CBLC: variants seen among roughly 807,000 people sequenced by gnomAD.
The protein encoded by CBLC is Cbl proto-oncogene C.
Under a neutral mutation model 58.6 loss-of-function variants are expected in CBLC, and 46 were observed. The observed-to-expected ratio is 0.79, with a 90% CI of 0.62 to 1.00. The LOEUF is 1.00. Among genes scored for constraint, CBLC ranks in the 50% least tolerant of loss-of-function variants. The pLI, the probability that CBLC is intolerant of heterozygous loss-of-function variation, is 0.00. For missense variants in CBLC, 655 were observed against 625.8 expected, an observed-to-expected ratio of 1.05 and a Z score of -0.50; for synonymous variants, 271 against 264.2, an observed-to-expected ratio of 1.03 and a Z score of -0.25.
chr19:44,782,125 G>A (rs575422138), intron 3 of CBLC, among the ~76,000 whole-genome samples: 1 of 146,066 alleles, frequency 6.8e-6, no homozygotes, highest in African/African-American at 2.6e-5. Flanking sequence ...GTGAGGGCCT[G>A]GACTCCAGGG....
In CBLC at chr19:44,789,968, A is replaced by G. The variant is rs1325680909; in HGVS notation, c.918-36A>G. The G allele has an allele frequency of 1.9e-5, 25 of 1,349,994 alleles. No homozygotes were observed. The East Asian group carries it at 5.7e-4, about 31-fold the overall frequency. 83.6% of individuals were successfully genotyped at this position (1,349,994 alleles called of 1,614,324 possible). A position where few individuals can be genotyped will look rare whatever the true frequency, so the allele number is the denominator to read the frequency against. ...TTCATCTGGGGGTGGGAAATACTGG[A>G]TGGCCCCCCAGTCCCCCTCTCTTCC... On this transcript the variant is annotated intron_variant, in intron 5 of 10. Coordinates refer to ENST00000647358, the MANE Select transcript of CBLC (RefSeq NM_012116.4).
Position 44,792,481 on chromosome 19 carries a change from C to A in CBLC, c.1104C>A (p.His368Gln). Reference sequence around the variant, plus strand: ...ATGTGAAGATTGAGCCGTGCGGGCACCTGCTCTGCAGCTGCTGCCTGGCTG... The same window carrying A: ...ATGTGAAGATTGAGCCGTGCGGGCAACTGCTCTGCAGCTGCTGCCTGGCTG... ...NKDVKIEPCG[H>Q]LLCSCCLAAW... Residue 368 changes from histidine to glutamine, a missense_variant, in exon 7 of 11, where the codon CAC becomes CAA. His to Gln is a conservative substitution (Grantham distance 24, BLOSUM62 0). Transcript: ENST00000647358. The A allele has an allele frequency of 3.1e-6, 5 of 1,609,834 alleles. No individual in the cohort carries two copies. The highest frequency in any genetic ancestry group is 4.2e-6 in the Non-Finnish European group (5 of 1,178,714).
chr19:44,783,316 G>T (rs1448735616), intron 4 of CBLC, among the ~76,000 whole-genome samples: 1 of 152,152 alleles, frequency 6.6e-6, no homozygotes, highest in East Asian at 1.9e-4. Context: ...AGACCAGCCT[G>T]GCCAACATAG....
At chr19:44,796,334 A>C (rs1968177507) in intron 9 of CBLC, among the ~76,000 whole-genome samples, 1 of 152,150 alleles carries the variant, frequency 6.6e-6, no homozygotes, top group Non-Finnish European at 1.5e-5. Context: ...TCAGCGTTGG[A>C]GTCTTTAAGG....
intron 5 of CBLC, among the ~76,000 whole-genome samples, chr19:44,787,919 C>T (rs1016153559): frequency 6.6e-6 from 1 of 151,512 alleles, no homozygotes; most frequent in African/African-American, 2.4e-5. Flanking sequence ...TTGAGACCAA[C>T]CTGGACAACA....
intron 9 of CBLC, among the ~76,000 whole-genome samples, chr19:44,798,763 C>T (rs1195999675): frequency 6.6e-6 from 1 of 152,034 alleles, no homozygotes; most frequent in African/African-American, 2.4e-5. Flanking sequence ...AGAAAGAAAT[C>T]CCCACTGGCT....
chr19:44,788,339 T>TC (rs1568560547), intron 5 of CBLC, among the ~76,000 whole-genome samples: 1 of 151,854 alleles, frequency 6.6e-6, no homozygotes, highest in African/African-American at 2.4e-5. Flanking sequence ...TTGCCCAGGC[T>TC]GGTCTCGAAC....
At chr19:44,796,950 A>C (rs1270254904) in intron 9 of CBLC, among the ~76,000 whole-genome samples, 2 of 152,068 alleles carry the variant, frequency 1.3e-5, no homozygotes, top group Non-Finnish European at 2.9e-5. Flanking sequence ...AGGGAAGCTA[A>C]AAACAGATCC....
In CBLC at chr19:44,793,462, G is replaced by A. The variant is rs370828809; in HGVS notation, c.1138-12G>A. On this transcript the variant is annotated splice_polypyrimidine_tract_variant and intron_variant, in intron 7 of 10. Transcript: ENST00000647358. ...GGGGAGCACTGACCCTTTCCCTCCCGACCTCCCCCAGCACTCGGACAGCCA... is the reference window on the plus strand; with the variant it reads ...GGGGAGCACTGACCCTTTCCCTCCCAACCTCCCCCAGCACTCGGACAGCCA... The A allele has an allele frequency of 7.3e-5, 117 of 1,597,196 alleles. No homozygotes were observed. Among genetic ancestry groups the A allele is most frequent in the Non-Finnish European group, 8.9e-5 (105 of 1,173,338 alleles).
intron 1 of CBLC, among the ~76,000 whole-genome samples, chr19:44,780,239 A>T (rs1780302574): frequency 6.6e-6 from 1 of 151,510 alleles, no homozygotes; most frequent in Non-Finnish European, 1.5e-5. Context: ...TGTTCAAGCA[A>T]TTCTCCTGCC....
At chr19:44,787,587 C>T (rs942933961) in intron 5 of CBLC, among the ~76,000 whole-genome samples, 2 of 150,814 alleles carry the variant, frequency 1.3e-5, no homozygotes, top group African/African-American at 4.9e-5. Context: ...GAGGCCGAGG[C>T]GGGCAGATCA....
chr19:44,800,522 A>G lies in CBLC; in HGVS notation c.*8-29A>G. ...CCCTCCTCCACCTGGAGGTGACCTCATCTAACCCACCCCTCTCTCCGCCTA... is the reference window on the plus strand; with the variant it reads ...CCCTCCTCCACCTGGAGGTGACCTCGTCTAACCCACCCCTCTCTCCGCCTA... On this transcript the variant is annotated intron_variant, in intron 10 of 10. Transcript: ENST00000647358. 10 of 926,844 alleles carry G rather than the reference A, an allele frequency of 1.1e-5. No individual in the cohort carries two copies. In the South Asian group the frequency reaches 1.4e-4, roughly 13 times the overall value. The allele number at this position is 926,844 out of a possible 1,614,324, so 57.4% of individuals were successfully genotyped here.
rs763685561 is a variant in CBLC, at chr19:44,797,574, C to CTTTTTTT, written c.1363-2798_1363-2792dup. 6.7e-3 allele frequency among the ~76,000 whole-genome samples: 898 copies of CTTTTTTT among 133,124 alleles called. 21 individuals are homozygous for CTTTTTTT. In the East Asian group the frequency reaches 0.079, roughly 12 times the overall value. 87.3% of individuals were successfully genotyped at this position (133,124 alleles called of 152,430 possible). A position where few individuals can be genotyped will look rare whatever the true frequency, so the allele number is the denominator to read the frequency against. The stretch of plus-strand genomic sequence containing the variant: ...AACTTTTGCTATGTGCCTGGCATTG[C>CTTTTTTT]TTTTTTTTTTTTTTTAAGATGGGGT... On this transcript the variant is annotated intron_variant, in intron 9 of 10. Transcript: ENST00000647358.
chr19:44,792,156 G>A (rs1005656629), intron 6 of CBLC, among the ~76,000 whole-genome samples: 2 of 151,720 alleles, frequency 1.3e-5, no homozygotes, highest in African/African-American at 4.8e-5. Flanking sequence ...ACCATGCCCA[G>A]CTAATTTTTG....
chr19:44,797,523 C>G (rs1968202109), intron 9 of CBLC, among the ~76,000 whole-genome samples: 1 of 151,410 alleles, frequency 6.6e-6, no homozygotes, highest in Admixed American at 6.6e-5. Context: ...AGTGCTGGGA[C>G]TACAGGAGTG....
intron 5 of CBLC, among the ~76,000 whole-genome samples, chr19:44,789,619 G>A (rs1016831046): frequency 1.3e-5 from 2 of 152,130 alleles, no homozygotes; most frequent in Non-Finnish European, 2.9e-5. Flanking sequence ...TTGAACTCCT[G>A]ACCTCAGATG....
At chr19:44,778,952 A>G (rs1198105930) in intron 1 of CBLC, among the ~76,000 whole-genome samples, 2 of 151,992 alleles carry the variant, frequency 1.3e-5, no homozygotes, top group African/African-American at 4.8e-5. Flanking sequence ...AACCTGGAAA[A>G]TGGGCCACCC....
Position 44,793,527 on chromosome 19 carries a change from G to T in CBLC, c.1191G>T (p.Glu397Asp). ...GCCGCTGCGAGATCAAGGGCTGGGA[G>T]GCCGTGAGTATCTACCAGTTCCACG... is the stretch of plus-strand genomic sequence containing the variant. ...PFCRCEIKGW[E>D]AVSIYQFHGQ... Residue 397 changes from glutamate to aspartate, a missense_variant, in exon 8 of 11, where the codon GAG becomes GAT. This residue lies in a region of CBLC where 371 missense variants were observed against 370.8 expected (regional missense o/e 1.00). Transcript: ENST00000647358. 6.2e-7 allele frequency: 1 copy of T among 1,612,908 alleles called. No individual in the cohort carries two copies. Among genetic ancestry groups the T allele is most frequent in the South Asian group, 1.1e-5 (1 of 90,746 alleles).
At position 44,794,273 on chromosome 19, in the gene CBLC, C is replaced by T. The variant is rs1968133016; in HGVS notation, c.1354C>T (p.Pro452Ser). 1.9e-6 allele frequency: 3 copies of T among 1,612,916 alleles called. No individual in the cohort carries two copies. The highest frequency in any genetic ancestry group is 2.5e-6 in the Non-Finnish European group (3 of 1,179,490). ...CCCCAGGAAGCCCAGAAATGCCCAG[C>T]CGAAAGTGGTGAGTCAGGCGCTGGT... ...LPPRKPRNAQ[P>S]KVRLLKGNSP... The change falls in exon 9 of 11, where the codon CCG (proline) becomes TCG (serine). Residue 452 changes from proline (P) to serine (S), a missense_variant. Physicochemically the swap from Pro to Ser is moderately conservative, Grantham distance 74. Around this residue, in one of 3 missense-constraint regions of CBLC, gnomAD observed 371 missense variants for 370.8 expected, o/e 1.00. Coordinates refer to ENST00000647358, the MANE Select transcript of CBLC (RefSeq NM_012116.4).
Sources: allele counts gnomAD v4.1 joint callset (sites outside exome capture counted in the v4.1 genomes callset), GRCh38; gene constraint gnomAD v4.1.1; regional missense constraint gnomAD v4.1.1; transcripts MANE v1.5; gene names NCBI Gene and HGNC (gene_info 2026-07-23, HGNC 2026-07-21).